Variants in SLC25A26 observed in about 807,000 individuals in gnomAD.
SLC25A26 encodes the protein mitochondrial S-adenosylmethionine carrier protein.
Under a neutral mutation model 37.8 loss-of-function variants are expected in SLC25A26, and 36 were observed. The observed-to-expected ratio is 0.95, with a 90% CI of 0.73 to 1.26. The LOEUF is 1.26. Ranked by LOEUF, SLC25A26 falls within the 50% of genes most tolerant of loss-of-function variation. The probability of loss-of-function intolerance (pLI) is 0.00; values close to 1 mark genes in which losing one functional copy is unlikely to be tolerated. For missense variants in SLC25A26, 390 were observed against 331.1 expected (o/e 1.18, Z -1.38); for synonymous variants, 129 against 122.5 (o/e 1.05, Z -0.35).
chr3:66,188,179 C>T (rs2070867043), intron 1 of SLC25A26, among the ~76,000 whole-genome samples: 1 of 152,124 alleles, frequency 6.6e-6, no homozygotes, highest in South Asian at 2.1e-4. Flanking sequence ...CGTGCTTGAC[C>T]TTGTCCCTAC....
intron 4 of SLC25A26, 117 bp from the exon 5 acceptor site, chr3:66,263,215 G>A: frequency 1.4e-6 from 1 of 723,622 alleles, no homozygotes; most frequent in Non-Finnish European, 2.5e-6. Flanking sequence ...TTAGAGAAGT[G>A]TGGCAATTGT....
At chr3:66,277,561 C>G (rs2074198556) in intron 5 of SLC25A26, among the ~76,000 whole-genome samples, 1 of 151,946 alleles carries the variant, frequency 6.6e-6, no homozygotes, top group African/African-American at 2.4e-5. Flanking sequence ...TTGTGGTAAT[C>G]ATTACACATT....
rs1490987123 is a variant in SLC25A26, at chr3:66,264,039, G to T, written c.453+660G>T. Among the ~76,000 whole-genome samples, 3 of 152,104 alleles carry T rather than the reference G, an allele frequency of 2.0e-5. No homozygotes were observed. The East Asian group carries it at 5.8e-4, about 30-fold the overall frequency. ...TCACGCCTGTAATCCCAACAGTTTG[G>T]GAGGCCGAGGCAGAAAGATCACCTG... On this transcript the variant is annotated intron_variant, in intron 5 of 9. Coordinates refer to ENST00000354883, the MANE Select transcript of SLC25A26 (RefSeq NM_001379210.1).
At chr3:66,323,887 G>C (rs1408417060) in intron 5 of SLC25A26, 1 of 152,266 alleles carries the variant, frequency 6.6e-6, no homozygotes, top group Non-Finnish European at 1.5e-5. Flanking sequence ...AGTTGTCCCA[G>C]CTACTTGGGA....
At chr3:66,208,662 G>GTATATA (rs1199617173) in intron 1 of SLC25A26, among the ~76,000 whole-genome samples, 7,062 of 118,204 alleles carry the variant, frequency 0.06, 456 homozygotes, top group Middle Eastern at 0.11. Context: ...CTTTATATGG[G>GTATATA]TATATATATA....
intron 1 of SLC25A26, among the ~76,000 whole-genome samples, chr3:66,234,107 A>AG (rs36130547): frequency 1 from 151,692 of 152,254 alleles, 75,568 homozygotes; most frequent in Middle Eastern, 1. Context: ...ATTAGAGATG[A>AG]GTCTCCCTGT....
intron 5 of SLC25A26, 133 bp from the exon 6 acceptor site, chr3:66,346,231 T>A (rs1163690798): frequency 4.1e-6 from 2 of 490,658 alleles, no homozygotes; most frequent in East Asian, 6.9e-5. Context: ...ACATTATGTC[T>A]ACTATAACTG....
intron 1 of SLC25A26, among the ~76,000 whole-genome samples, chr3:66,177,377 G>T (rs542504305): frequency 4.0e-4 from 61 of 152,364 alleles, no homozygotes; most frequent in African/African-American, 1.3e-3. Flanking sequence ...TGACTGGAAA[G>T]AATGGAGTTT....
chr3:66,153,522 A>G (rs1302687688), intron 1 of SLC25A26, among the ~76,000 whole-genome samples: 2 of 152,234 alleles, frequency 1.3e-5, no homozygotes, highest in African/African-American at 4.8e-5. Flanking sequence ...TTAATCTGAT[A>G]AAGTCGCTGC....
chr3:66,295,873 C>T (rs1012122111), intron 5 of SLC25A26, among the ~76,000 whole-genome samples: 11 of 151,930 alleles, frequency 7.2e-5, no homozygotes, highest in African/African-American at 2.7e-4. Flanking sequence ...GTAATCCCAG[C>T]TTTGGGAAGC....
chr3:66,267,255 G>A (rs1459734110), intron 5 of SLC25A26, among the ~76,000 whole-genome samples: 1 of 152,226 alleles, frequency 6.6e-6, no homozygotes, highest in Non-Finnish European at 1.5e-5. Context: ...GTTAGAAGTA[G>A]TTAAGGTTAT....
At chr3:66,208,763 T>C (rs2071218091) in intron 1 of SLC25A26, among the ~76,000 whole-genome samples, 1 of 140,262 alleles carries the variant, frequency 7.1e-6, no homozygotes, top group Admixed American at 7.4e-5. Context: ...TATATTTATA[T>C]GGGTGTATAT....
At chr3:66,200,983 G>A (rs1413724985) in intron 1 of SLC25A26, among the ~76,000 whole-genome samples, 4 of 152,138 alleles carry the variant, frequency 2.6e-5, no homozygotes, top group East Asian at 3.9e-4. Flanking sequence ...GTCTAGTACC[G>A]TATAATCACT....
intron 1 of SLC25A26, among the ~76,000 whole-genome samples, chr3:66,201,049 A>G (rs1358185710): frequency 2.0e-5 from 3 of 152,184 alleles, no homozygotes; most frequent in African/African-American, 4.8e-5. Context: ...AGGCAATGGT[A>G]AGGGTGGAAG....
At chr3:66,355,404 G>A (rs979039151) in intron 6 of SLC25A26, among the ~76,000 whole-genome samples, 3 of 152,078 alleles carry the variant, frequency 2.0e-5, no homozygotes, top group African/African-American at 7.2e-5. Context: ...CAGTCTAGCT[G>A]CCTTTATAAC....
chr3:66,185,316 C>T (rs947132398), intron 1 of SLC25A26, among the ~76,000 whole-genome samples: 10 of 152,122 alleles, frequency 6.6e-5, no homozygotes, highest in African/African-American at 9.7e-5. Context: ...GAATAATATT[C>T]GGTATATACC....
At chr3:66,288,480 C>T (rs1324417239) in intron 5 of SLC25A26, among the ~76,000 whole-genome samples, 2 of 152,074 alleles carry the variant, frequency 1.3e-5, no homozygotes, top group Non-Finnish European at 2.9e-5. Flanking sequence ...TGTAGCCATC[C>T]CCTACCCCTC....
chr3:66,306,477 GTC>G (rs568905861), intron 5 of SLC25A26, among the ~76,000 whole-genome samples: 1 of 151,590 alleles, frequency 6.6e-6, no homozygotes, highest in African/African-American at 2.4e-5. Context: ...TCTTTTTCTT[GTC>G]TCTCTCTTTT....
chr3:66,373,601 G>A (rs574728131), intron 9 of SLC25A26, among the ~76,000 whole-genome samples: 1 of 151,958 alleles, frequency 6.6e-6, no homozygotes, highest in South Asian at 2.1e-4. Flanking sequence ...AGGCTCATCT[G>A]TCTTTCAGGC....
Sources: allele counts gnomAD v4.1 joint callset (sites outside exome capture counted in the v4.1 genomes callset), GRCh38; gene constraint gnomAD v4.1.1; transcripts MANE v1.5; gene names NCBI Gene and HGNC (gene_info 2026-07-23, HGNC 2026-07-21).